ROBO2: variants seen among roughly 807,000 people sequenced by gnomAD.
ROBO2 encodes roundabout homolog 2.
ROBO2 carries 53 observed loss-of-function variants against 160.8 expected under a neutral mutation model. The ratio of observed to expected loss-of-function variants is 0.33; its 90% confidence interval spans 0.26 to 0.41. The LOEUF is 0.41. Among genes scored for constraint, ROBO2 ranks in the 10% least tolerant of loss-of-function variants. The pLI is 1.00. For missense variants in ROBO2, 1,577 were observed against 1,722.4 expected (o/e 0.92, Z 1.49); for synonymous variants, 664 against 611.7 (o/e 1.09, Z -1.26).
At chr3:76,603,306 TG>T (rs1165902723) in intron 2 of ROBO2, among the ~76,000 whole-genome samples, 1 of 124,988 alleles carries the variant, frequency 8.0e-6, no homozygotes, top group Admixed American at 9.4e-5. Flanking sequence ...CACTCCAGCC[TG>T]GGTGACAGAG....
At chr3:76,944,108 G>T (rs562521176) in intron 2 of ROBO2, among the ~76,000 whole-genome samples, 27 of 152,038 alleles carry the variant, frequency 1.8e-4, no homozygotes, top group African/African-American at 6.5e-4. Flanking sequence ...AACTGTTAAA[G>T]ACTTTTTCCA....
intron 2 of ROBO2, among the ~76,000 whole-genome samples, chr3:76,138,470 T>C (rs1192659630): frequency 6.6e-6 from 1 of 152,008 alleles, no homozygotes; most frequent in African/African-American, 2.4e-5. Flanking sequence ...AAACTAGAAA[T>C]GCGTTGTACT....
At chr3:76,450,772 A>G (rs938573062) in intron 2 of ROBO2, among the ~76,000 whole-genome samples, 2 of 152,164 alleles carry the variant, frequency 1.3e-5, no homozygotes, top group African/African-American at 4.8e-5. Context: ...CAAATTTCAA[A>G]TGCTTGCATT....
chr3:75,957,338 A>G (rs1414492135), intron 2 of ROBO2, among the ~76,000 whole-genome samples: 26 of 151,468 alleles, frequency 1.7e-4, no homozygotes, highest in Non-Finnish European at 8.9e-5. Context: ...AACCATATCA[A>G]TTTATGAAAC....
intron 2 of ROBO2, among the ~76,000 whole-genome samples, chr3:76,962,638 C>CA (rs1318082985): frequency 0.018 from 896 of 49,808 alleles, 93 homozygotes; most frequent in African/African-American, 0.066. Context: ...AACTCGATCT[C>CA]AGAAAAAAAA....
chr3:76,650,806 T>C (rs1454957785), intron 2 of ROBO2, among the ~76,000 whole-genome samples: 4 of 152,138 alleles, frequency 2.6e-5, no homozygotes, highest in African/African-American at 9.7e-5. Flanking sequence ...ACGTAGGAAA[T>C]AGCATAGCAG....
chr3:75,987,851 G>A (rs746021074), intron 2 of ROBO2, among the ~76,000 whole-genome samples: 2 of 151,776 alleles, frequency 1.3e-5, no homozygotes, highest in South Asian at 2.1e-4. Context: ...ATCAATTTTC[G>A]TGTGTTGGAC....
At chr3:76,601,328 C>A (rs1053004847) in intron 2 of ROBO2, among the ~76,000 whole-genome samples, 1 of 152,192 alleles carries the variant, frequency 6.6e-6, no homozygotes, top group Non-Finnish European at 1.5e-5. Flanking sequence ...CCAGTAGGGA[C>A]CCTGTGTGGG....
chr3:76,332,609 T>C (rs980351643), intron 2 of ROBO2, among the ~76,000 whole-genome samples: 1 of 152,220 alleles, frequency 6.6e-6, no homozygotes, highest in African/African-American at 2.4e-5. Context: ...ATAATCTTGA[T>C]AGGTGAAAGC....
chr3:77,307,447 T>C (rs1399221514), intron 2 of ROBO2, among the ~76,000 whole-genome samples: 1 of 152,326 alleles, frequency 6.6e-6, no homozygotes, highest in East Asian at 1.9e-4. Flanking sequence ...AGTGAATGGC[T>C]GCAGTGAACT....
intron 2 of ROBO2, among the ~76,000 whole-genome samples, chr3:77,286,996 T>G (rs528415114): frequency 6.6e-6 from 1 of 152,086 alleles, no homozygotes; most frequent in Non-Finnish European, 1.5e-5. Flanking sequence ...GAAATGGAGG[T>G]TGCCATTCGT....
At chr3:76,638,932 G>A (rs1224107272) in intron 2 of ROBO2, among the ~76,000 whole-genome samples, 1 of 152,156 alleles carries the variant, frequency 6.6e-6, no homozygotes, top group East Asian at 1.9e-4. Flanking sequence ...CTCCCTGCCT[G>A]TCAAGCACTG....
chr3:77,342,239 T>G (rs1168421883), intron 2 of ROBO2, among the ~76,000 whole-genome samples: 2 of 152,124 alleles, frequency 1.3e-5, no homozygotes, highest in African/African-American at 4.8e-5. Flanking sequence ...TTATTAGGTT[T>G]TATGTTGTAC....
intron 4 of ROBO2, among the ~76,000 whole-genome samples, chr3:77,484,190 T>G (rs1198496667): frequency 6.6e-6 from 1 of 152,034 alleles, no homozygotes; most frequent in African/African-American, 2.4e-5. Flanking sequence ...TAGTCTACAG[T>G]AGCACTGAAA....
chr3:77,596,917 A>G (rs1429294373), intron 19 of ROBO2, among the ~76,000 whole-genome samples, 167 bp downstream of exon 20: 6 of 152,098 alleles, frequency 3.9e-5, no homozygotes, highest in Non-Finnish European at 8.8e-5. Context: ...AAATATTTTA[A>G]TATAAAACGA....
At chr3:76,335,819 G>A (rs1450879315) in intron 2 of ROBO2, among the ~76,000 whole-genome samples, 1 of 151,938 alleles carries the variant, frequency 6.6e-6, no homozygotes, top group African/African-American at 2.4e-5. Context: ...CTTGTGATCC[G>A]CCCGCCTCGT....
intron 5 of ROBO2, among the ~76,000 whole-genome samples, chr3:77,522,127 T>C (rs1403741838): frequency 6.6e-6 from 1 of 151,302 alleles, no homozygotes; most frequent in African/African-American, 2.4e-5. Context: ...TATAATGTTT[T>C]CTGACCCACT....
At chr3:76,488,013 A>T (rs1315589498) in intron 2 of ROBO2, among the ~76,000 whole-genome samples, 2 of 152,214 alleles carry the variant, frequency 1.3e-5, no homozygotes, top group Non-Finnish European at 2.9e-5. Flanking sequence ...AGCAAGTCTC[A>T]GACCACACTC....
intron 2 of ROBO2, among the ~76,000 whole-genome samples, chr3:77,311,295 C>A (rs373068068): frequency 6.6e-6 from 1 of 152,050 alleles, no homozygotes; most frequent in Non-Finnish European, 1.5e-5. Flanking sequence ...GTATGTGCAC[C>A]GGAAATATCC....
Sources: gnomAD v4.1 joint callset for allele counts (sites outside exome capture counted in the v4.1 genomes callset) on GRCh38, gnomAD v4.1.1 for gene constraint, MANE v1.5 for transcripts, NCBI Gene and HGNC (gene_info 2026-07-23, HGNC 2026-07-21) for gene names.